Variants in HS6ST3 observed in about 807,000 individuals in gnomAD.
HS6ST3 encodes the protein heparan sulfate 6-O-sulfotransferase 3.
In HS6ST3, 12 loss-of-function variants were observed where a neutral mutation model predicts 36.7. The ratio of observed to expected loss-of-function variants is 0.33; its 90% confidence interval spans 0.21 to 0.53. The LOEUF is 0.53. HS6ST3 is among the 20% of genes least tolerant of loss of function. The pLI, the probability that HS6ST3 is intolerant of heterozygous loss-of-function variation, is 0.95. For missense variants in HS6ST3, 584 were observed against 640.9 expected (o/e 0.91, Z 0.96); for synonymous variants, 240 against 257.5 (o/e 0.93, Z 0.65).
chr13:96,583,316 C>G (rs2138970406), intron 1 of HS6ST3, among the ~76,000 whole-genome samples: 1 of 137,988 alleles, frequency 7.2e-6, no homozygotes, highest in East Asian at 2.4e-4. Flanking sequence ...CAAGTTCGAG[C>G]AATTCTCCTG....
intron 1 of HS6ST3, among the ~76,000 whole-genome samples, chr13:96,310,737 C>T (rs2054936825): frequency 6.7e-6 from 1 of 149,878 alleles, no homozygotes. Flanking sequence ...ATGCGTGCAT[C>T]ACAACATACT....
chr13:96,678,258 A>G (rs142961270), intron 1 of HS6ST3, among the ~76,000 whole-genome samples: 145 of 152,320 alleles, frequency 9.5e-4, no homozygotes, highest in Non-Finnish European at 1.7e-3. Flanking sequence ...TTCATGGTCT[A>G]TTCACCTCTC....
intron 1 of HS6ST3, among the ~76,000 whole-genome samples, chr13:96,304,594 G>A (rs1179218840): frequency 2.6e-5 from 4 of 151,812 alleles, no homozygotes; most frequent in Admixed American, 2.0e-4. Context: ...AGAACTCACC[G>A]ATTGCCTGAG....
chr13:96,317,099 C>T (rs550796572), intron 1 of HS6ST3, among the ~76,000 whole-genome samples: 1 of 151,838 alleles, frequency 6.6e-6, no homozygotes, highest in South Asian at 2.1e-4. Flanking sequence ...GGTAGTTTTT[C>T]AGCCCATGCC....
chr13:96,122,491 T>A (rs1197187993), intron 1 of HS6ST3, among the ~76,000 whole-genome samples: 1 of 152,196 alleles, frequency 6.6e-6, no homozygotes, highest in Non-Finnish European at 1.5e-5. Context: ...CACATTGTTG[T>A]ATAGGAAATT....
At chr13:96,523,196 C>G (rs1231166654) in intron 1 of HS6ST3, among the ~76,000 whole-genome samples, 2 of 152,222 alleles carry the variant, frequency 1.3e-5, no homozygotes, top group Non-Finnish European at 1.5e-5. Context: ...GGCCCCCACT[C>G]TCTTCTGGCT....
At chr13:96,568,424 G>A (rs1407944973) in intron 1 of HS6ST3, among the ~76,000 whole-genome samples, 1 of 152,012 alleles carries the variant, frequency 6.6e-6, no homozygotes, top group Admixed American at 6.6e-5. Context: ...GCACCACCAC[G>A]GCTGGCTAAT....
chr13:96,629,583 G>T (rs899596560), intron 1 of HS6ST3, among the ~76,000 whole-genome samples: 5 of 152,118 alleles, frequency 3.3e-5, no homozygotes, highest in African/African-American at 1.2e-4. Flanking sequence ...CCTCTATTGT[G>T]TTGAGAAATC....
intron 1 of HS6ST3, among the ~76,000 whole-genome samples, chr13:96,794,371 A>T (rs934385258): frequency 1.3e-5 from 2 of 152,090 alleles, no homozygotes; most frequent in African/African-American, 4.8e-5. Context: ...CTATGTAATA[A>T]AAGATAGGAT....
At chr13:96,190,111 C>G (rs1166303827) in intron 1 of HS6ST3, among the ~76,000 whole-genome samples, 1 of 152,170 alleles carries the variant, frequency 6.6e-6, no homozygotes, top group Non-Finnish European at 1.5e-5. Context: ...CAGTTGATGT[C>G]CAATGGAAGC....
At chr13:96,358,586 G>A (rs943475158) in intron 1 of HS6ST3, among the ~76,000 whole-genome samples, 4 of 151,968 alleles carry the variant, frequency 2.6e-5, no homozygotes, top group Non-Finnish European at 5.9e-5. Context: ...AAAAATTAGA[G>A]GGACCTAAAA....
chr13:96,753,797 CT>C (rs2138494336), intron 1 of HS6ST3, among the ~76,000 whole-genome samples: 1 of 152,100 alleles, frequency 6.6e-6, no homozygotes, highest in Admixed American at 6.6e-5. Flanking sequence ...ATTAACCTTA[CT>C]TTTAGGGATT....
At chr13:96,259,146 A>T (rs144819633) in intron 1 of HS6ST3, among the ~76,000 whole-genome samples, 1 of 151,514 alleles carries the variant, frequency 6.6e-6, no homozygotes, top group Non-Finnish European at 1.5e-5. Flanking sequence ...GTGTGTGTGT[A>T]TGTGTGTGTC....
chr13:96,159,826 G>C (rs1226630550), intron 1 of HS6ST3, among the ~76,000 whole-genome samples: 2 of 152,152 alleles, frequency 1.3e-5, no homozygotes, highest in African/African-American at 4.8e-5. Context: ...GAGCAAGCGT[G>C]TCCTTCCAGT....
At chr13:96,235,144 A>G (rs1440123352) in intron 1 of HS6ST3, among the ~76,000 whole-genome samples, 3 of 152,194 alleles carry the variant, frequency 2.0e-5, no homozygotes, top group Non-Finnish European at 4.4e-5. Flanking sequence ...AAAATGTGAT[A>G]TACAGTTAAG....
At chr13:96,093,646 CCT>C (rs1349127069) in intron 1 of HS6ST3, among the ~76,000 whole-genome samples, 5 of 151,738 alleles carry the variant, frequency 3.3e-5, no homozygotes, top group African/African-American at 1.2e-4. Context: ...TCCTTCCCAC[CCT>C]CTCTCTCTCC....
At chr13:96,528,448 G>A (rs1481721169) in intron 1 of HS6ST3, among the ~76,000 whole-genome samples, 1 of 152,130 alleles carries the variant, frequency 6.6e-6, no homozygotes, top group East Asian at 1.9e-4. Flanking sequence ...TGAGCTGCTT[G>A]ACAGGGGCCC....
At chr13:96,454,099 G>A (rs1321785555) in intron 1 of HS6ST3, among the ~76,000 whole-genome samples, 1 of 152,060 alleles carries the variant, frequency 6.6e-6, no homozygotes, top group African/African-American at 2.4e-5. Context: ...CTGAGTCCAG[G>A]GTTTCCGCTG....
intron 1 of HS6ST3, among the ~76,000 whole-genome samples, chr13:96,226,044 T>C (rs904475469): frequency 1.8e-4 from 27 of 152,184 alleles, no homozygotes; most frequent in Admixed American, 6.5e-4. Flanking sequence ...AATAATCAGG[T>C]TTCAGTGAAG....
Sources: gnomAD v4.1 joint callset for allele counts (sites outside exome capture counted in the v4.1 genomes callset) on GRCh38, gnomAD v4.1.1 for gene constraint, MANE v1.5 for transcripts, NCBI Gene and HGNC (gene_info 2026-07-23, HGNC 2026-07-21) for gene names.